Variants in SLC16A10 observed in about 807,000 individuals in gnomAD.
SLC16A10 encodes the protein monocarboxylate transporter 10.
Under a neutral mutation model 40.0 loss-of-function variants are expected in SLC16A10, and 27 were observed. The observed-to-expected ratio is 0.67, with a 90% CI of 0.50 to 0.93. The LOEUF is 0.93. Among genes scored for constraint, SLC16A10 ranks in the 40% least tolerant of loss-of-function variants. The pLI, the probability that SLC16A10 is intolerant of heterozygous loss-of-function variation, is 0.00. For missense variants in SLC16A10, 529 were observed against 658.2 expected, an observed-to-expected ratio of 0.80 and a Z score of 2.15; for synonymous variants, 213 against 249.8, an observed-to-expected ratio of 0.85 and a Z score of 1.39.
chr6:111,204,180 T>C (rs434034), intron 3 of SLC16A10, among the ~76,000 whole-genome samples: 124,797 of 152,062 alleles, frequency 0.82, 51,364 homozygotes, highest in Non-Finnish European at 0.86. Flanking sequence ...CCATGAGGAA[T>C]GTGGGCCAAA....
intron 3 of SLC16A10, among the ~76,000 whole-genome samples, chr6:111,181,215 CA>C (rs78386837): frequency 0.23 from 19,200 of 82,956 alleles, 1,147 homozygotes; most frequent in Middle Eastern, 0.34. Context: ...AACTCCATCT[CA>C]AAAAAAAAAA....
chr6:111,178,468 G>A (rs201384341), intron 3 of SLC16A10: 11 of 529,312 alleles, frequency 2.1e-5, no homozygotes, highest in Admixed American at 9.8e-5. Context: ...GGTGCCTCAC[G>A]CCTGTAATCC....
chr6:111,213,278 T>G (rs1223841703), intron 4 of SLC16A10, among the ~76,000 whole-genome samples: 2 of 152,196 alleles, frequency 1.3e-5, no homozygotes, highest in African/African-American at 4.8e-5. Context: ...AAGTGTTGAT[T>G]CCTGAGGAGG....
At chr6:111,123,674 TCTAAGGGGCAATAGGAGC>T (rs2114478238) in intron 1 of SLC16A10, among the ~76,000 whole-genome samples, 2 of 152,298 alleles carry the variant, frequency 1.3e-5, no homozygotes, top group South Asian at 4.1e-4. Context: ...CTGATGTAGG[TCTAAGGGGCAATAGGAGC>T]CTGAATCTGA....
At chr6:111,131,136 G>A (rs1411206465) in intron 1 of SLC16A10, among the ~76,000 whole-genome samples, 3 of 152,152 alleles carry the variant, frequency 2.0e-5, no homozygotes, top group Admixed American at 6.5e-5. Context: ...GCTTTCGCTC[G>A]CTGTCCACCA....
intron 3 of SLC16A10, among the ~76,000 whole-genome samples, chr6:111,195,252 A>AT (rs1208256403): frequency 7.2e-5 from 11 of 152,222 alleles, no homozygotes; most frequent in Admixed American, 3.3e-4. Context: ...CCATGAGGAC[A>AT]TTACACCAAA....
At chr6:111,178,309 C>G (rs1772725983) in intron 3 of SLC16A10, 1 of 495,706 alleles carries the variant, frequency 2.0e-6, no homozygotes, top group Non-Finnish European at 4.1e-6. Flanking sequence ...AAAAGTTACT[C>G]AAGATCTAAA....
At chr6:111,129,790 A>G (rs900379941) in intron 1 of SLC16A10, among the ~76,000 whole-genome samples, 1 of 152,230 alleles carries the variant, frequency 6.6e-6, no homozygotes, top group Non-Finnish European at 1.5e-5. Flanking sequence ...AGGCCACAGG[A>G]CAAAGTAGAG....
At chr6:111,206,460 A>T in intron 3 of SLC16A10, 132 bp from the exon 4 acceptor site, 1 of 870,320 alleles carries the variant, frequency 1.1e-6, no homozygotes, top group Non-Finnish European at 1.8e-6. Flanking sequence ...GACAAGTTTC[A>T]TAAATATTGA....
rs137910670 is a variant in SLC16A10, at chr6:111,153,027, A to G, written c.344-19668A>G. On this transcript the variant is annotated intron_variant, in intron 1 of 5. Transcript: ENST00000368851. ...TTTGAGTCAGTGACAATGAGTGGCAATGGTGGTAATTAAGTGCTGGGGAAG... is the reference window on the plus strand; with the variant it reads ...TTTGAGTCAGTGACAATGAGTGGCAGTGGTGGTAATTAAGTGCTGGGGAAG... 9.2e-5 allele frequency among the ~76,000 whole-genome samples: 14 copies of G among 152,258 alleles called. No homozygotes were observed. The East Asian group carries it at 2.1e-3, about 23-fold the overall frequency.
At chr6:111,104,943 C>T (rs1771256052) in intron 1 of SLC16A10, among the ~76,000 whole-genome samples, 1 of 151,996 alleles carries the variant, frequency 6.6e-6, no homozygotes, top group African/African-American at 2.4e-5. Flanking sequence ...GTCTTTCTAG[C>T]CTTTGGATTT....
At chr6:111,152,742 G>A (rs1195821715) in intron 1 of SLC16A10, among the ~76,000 whole-genome samples, 1 of 152,198 alleles carries the variant, frequency 6.6e-6, no homozygotes, top group Non-Finnish European at 1.5e-5. Context: ...GGACCGAGGG[G>A]ATAGATTTGG....
rs1772180948 is a variant in SLC16A10 at position 111,152,021 on chromosome 6, G to T, written c.344-20674G>T. ...ATGAGTTTCTTGAGATTAGGGACCT[G>T]AGATCCCCAGTGCCCAGCAGAGCAG... On this transcript the variant is annotated intron_variant, in intron 1 of 5. Coordinates refer to ENST00000368851, the MANE Select transcript of SLC16A10 (RefSeq NM_018593.5). Among the ~76,000 whole-genome samples, 3 of 152,242 alleles carry T rather than the reference G, an allele frequency of 2.0e-5. No individual in the cohort carries two copies. The South Asian group carries it at 6.2e-4, about 32-fold the overall frequency.
chr6:111,102,063 A>G (rs1386981327), intron 1 of SLC16A10, among the ~76,000 whole-genome samples: 1 of 152,228 alleles, frequency 6.6e-6, no homozygotes, highest in Non-Finnish European at 1.5e-5. Flanking sequence ...GGTCTACCCT[A>G]GGTTACTCAA....
At chr6:111,107,183 T>A (rs1170041820) in intron 1 of SLC16A10, among the ~76,000 whole-genome samples, 1 of 152,152 alleles carries the variant, frequency 6.6e-6, no homozygotes. Context: ...AAAAAAACTG[T>A]GCATGGATTT....
At chr6:111,122,671 T>C (rs1353749401) in intron 1 of SLC16A10, among the ~76,000 whole-genome samples, 4 of 152,214 alleles carry the variant, frequency 2.6e-5, no homozygotes, top group African/African-American at 9.6e-5. Context: ...TGGTAGGTTC[T>C]GTTTTAGGCT....
At chr6:111,109,051 A>C (rs911038251) in intron 1 of SLC16A10, among the ~76,000 whole-genome samples, 1 of 152,192 alleles carries the variant, frequency 6.6e-6, no homozygotes, top group African/African-American at 2.4e-5. Flanking sequence ...AATGTAATTA[A>C]TTTTTTAAAA....
intron 4 of SLC16A10, among the ~76,000 whole-genome samples, chr6:111,211,022 CAAAA>C (rs36044806): frequency 2.5e-5 from 3 of 119,582 alleles, no homozygotes; most frequent in Admixed American, 8.3e-5. Context: ...GACTCCGTCT[CAAAA>C]AAAAAAAAAA....
intron 1 of SLC16A10, among the ~76,000 whole-genome samples, chr6:111,140,356 G>T (rs1771959714): frequency 6.6e-6 from 1 of 152,008 alleles, no homozygotes; most frequent in Non-Finnish European, 1.5e-5. Flanking sequence ...CCAGCCCCTT[G>T]GGAGACTGAG....
Sources: allele counts gnomAD v4.1 joint callset (sites outside exome capture counted in the v4.1 genomes callset), GRCh38; gene constraint gnomAD v4.1.1; transcripts MANE v1.5; gene names NCBI Gene and HGNC (gene_info 2026-07-23, HGNC 2026-07-21).